Variants in CSE1L observed in about 807,000 individuals in gnomAD.
The protein encoded by CSE1L is chromosome segregation 1 like.
A neutral mutation model predicts 120.4 loss-of-function variants in CSE1L; 24 were observed. The observed-to-expected ratio is 0.20, with a 90% CI of 0.14 to 0.28. The LOEUF (loss-of-function observed/expected upper bound fraction) is 0.28, where lower values mean the gene tolerates loss of function less well. CSE1L is among the 10% of genes least tolerant of loss of function. The pLI is 1.00. For missense variants in CSE1L, 830 were observed against 1,145.2 expected, an observed-to-expected ratio of 0.72 and a Z score of 3.97; for synonymous variants, 402 against 398.3, an observed-to-expected ratio of 1.01 and a Z score of -0.11.
rs1313669543 is a variant in CSE1L at position 49,066,223 on chromosome 20, C to T, written c.260C>T (p.Ala87Val). Residue 87 changes from alanine (A) to valine (V), a missense_variant, in exon 4 of 25, where the codon GCC (alanine) becomes GTC (valine). Physicochemically the swap from Ala to Val is moderately conservative, Grantham distance 64 (BLOSUM62 0). Around this residue, in one of 4 missense-constraint regions of CSE1L, gnomAD observed 543 missense variants for 640.2 expected, o/e 0.85. Transcript: ENST00000262982. ...VEDEPNKICE[A>V]DRVAIKANIV... Reference sequence around the variant, plus strand: ...GATGAACCAAACAAAATTTGTGAAGCCGATCGAGTGGCCATTAAAGCCAAC... The same window carrying T: ...GATGAACCAAACAAAATTTGTGAAGTCGATCGAGTGGCCATTAAAGCCAAC... 22 of 1,614,060 alleles carry T rather than the reference C, an allele frequency of 1.4e-5. No individual in the cohort carries two copies. The highest frequency in any genetic ancestry group is 1.9e-5 in the Non-Finnish European group (22 of 1,180,034).
intron 22 of CSE1L, among the ~76,000 whole-genome samples, chr20:49,093,572 T>G (rs1568789741): frequency 1.2e-5 from 1 of 81,292 alleles, no homozygotes; most frequent in South Asian, 3.8e-4. Context: ...CTCTTTTTTT[T>G]TTTTTTTTCT....
At chr20:49,086,670 G>A (rs573575509) in intron 16 of CSE1L, among the ~76,000 whole-genome samples, 22 of 152,096 alleles carry the variant, frequency 1.4e-4, no homozygotes, top group Middle Eastern at 3.4e-3. Context: ...CAGCCTTAAT[G>A]TCCATTTCTA....
chr20:49,060,074 A>G (rs1036471141), intron 2 of CSE1L, among the ~76,000 whole-genome samples: 5 of 151,676 alleles, frequency 3.3e-5, no homozygotes, highest in Non-Finnish European at 5.9e-5. Context: ...ATTCCTAGCA[A>G]CTGGGGAGGC....
At chr20:49,070,354 C>A in intron 8 of CSE1L, 57 bp downstream of exon 8, 2 of 822,912 alleles carry the variant, frequency 2.4e-6, no homozygotes, top group Non-Finnish European at 4.0e-6. Flanking sequence ...AGTTATTTGG[C>A]TACAGTCTGG....
At chr20:49,064,759 C>G (rs967483022) in intron 3 of CSE1L, among the ~76,000 whole-genome samples, 1 of 151,470 alleles carries the variant, frequency 6.6e-6, no homozygotes, top group African/African-American at 2.4e-5. Context: ...GTAGACATGC[C>G]AGCCCTCTCC....
intron 13 of CSE1L, among the ~76,000 whole-genome samples, chr20:49,077,858 G>A (rs6066960): frequency 1.3e-5 from 2 of 152,108 alleles, no homozygotes; most frequent in African/African-American, 4.8e-5. Context: ...ACAAAAACTA[G>A]CCGGGCGTGG....
intron 6 of CSE1L, among the ~76,000 whole-genome samples, chr20:49,068,183 A>T (rs187250949): frequency 6.6e-6 from 1 of 152,302 alleles, no homozygotes; most frequent in Admixed American, 6.5e-5. Flanking sequence ...ATATGCACAG[A>T]TTGGGAAGAC....
At chr20:49,050,570 T>A (rs951278590) in intron 1 of CSE1L, among the ~76,000 whole-genome samples, 4 of 140,944 alleles carry the variant, frequency 2.8e-5, no homozygotes, top group African/African-American at 1.1e-4. Flanking sequence ...GCCCGGCTAA[T>A]TTTTTTTTTT....
chr20:49,065,478 A>G (rs1433732531), intron 3 of CSE1L, among the ~76,000 whole-genome samples: 1 of 150,678 alleles, frequency 6.6e-6, no homozygotes, highest in Non-Finnish European at 1.5e-5. Flanking sequence ...GCCCACCACC[A>G]TGTTCAGCTA....
chr20:49,047,552 C>CTTTTTTTTTTTTTTT (rs1230411564), intron 1 of CSE1L, among the ~76,000 whole-genome samples: 1 of 89,802 alleles, frequency 1.1e-5, no homozygotes, highest in African/African-American at 4.6e-5. Context: ...TTTTCTTTTT[C>CTTTTTTTTTTTTTTT]TTTTCTCTTT....
intron 22 of CSE1L, 97 bp from the exon 23 acceptor site, chr20:49,094,043 A>G: frequency 1.3e-6 from 1 of 774,384 alleles, no homozygotes. Context: ...TTATTTAGTA[A>G]TTTATCATAT....
chr20:49,090,570 ATTACT>A (rs775505823), intron 19 of CSE1L, among the ~76,000 whole-genome samples, 167 bp from the exon 20 acceptor site: 32 of 152,326 alleles, frequency 2.1e-4, no homozygotes, highest in Middle Eastern at 3.4e-3. Context: ...GAAAAAAAAA[ATTACT>A]TTAATGGCTA....
At chr20:49,081,147 C>G (rs1204955198) in intron 14 of CSE1L, among the ~76,000 whole-genome samples, 1 of 152,030 alleles carries the variant, frequency 6.6e-6, no homozygotes, top group Non-Finnish European at 1.5e-5. Context: ...CCATACCCAG[C>G]TAATTTTTGT....
At chr20:49,080,917 T>A (rs1332566184) in intron 14 of CSE1L, among the ~76,000 whole-genome samples, 13 of 152,090 alleles carry the variant, frequency 8.5e-5, no homozygotes, top group Non-Finnish European at 2.9e-5. Flanking sequence ...GCCAAGACTA[T>A]AGGTGTGTGC....
At chr20:49,088,381 A>G (rs536428032) in intron 17 of CSE1L, among the ~76,000 whole-genome samples, 2 of 152,332 alleles carry the variant, frequency 1.3e-5, no homozygotes, top group South Asian at 2.1e-4. Flanking sequence ...AGATGATCCA[A>G]AATTACCTTA....
At chr20:49,061,921 C>T (rs890289688) in intron 2 of CSE1L, among the ~76,000 whole-genome samples, 12 of 152,008 alleles carry the variant, frequency 7.9e-5, no homozygotes, top group African/African-American at 2.7e-4. Flanking sequence ...TCTCAGGGAT[C>T]GAGACTGACT....
At chr20:49,081,633 C>T (rs981405287) in intron 14 of CSE1L, among the ~76,000 whole-genome samples, 2 of 152,066 alleles carry the variant, frequency 1.3e-5, no homozygotes, top group African/African-American at 2.4e-5. Context: ...CATTTCTTTT[C>T]GGTGAACTGT....
At chr20:49,073,336 T>C (rs982734545) in intron 10 of CSE1L, among the ~76,000 whole-genome samples, 1 of 152,138 alleles carries the variant, frequency 6.6e-6, no homozygotes, top group Non-Finnish European at 1.5e-5. Flanking sequence ...AACAATCGAC[T>C]TGAGAATAGA....
intron 22 of CSE1L, among the ~76,000 whole-genome samples, chr20:49,092,431 C>A (rs914701022): frequency 6.6e-6 from 1 of 151,860 alleles, no homozygotes; most frequent in African/African-American, 2.4e-5. Context: ...ACCCTGGAAT[C>A]ATTGTTCTAA....
Sources: gnomAD v4.1 joint callset for allele counts (sites outside exome capture counted in the v4.1 genomes callset) on GRCh38, gnomAD v4.1.1 for gene constraint, gnomAD v4.1.1 regional missense constraint, MANE v1.5 for transcripts, NCBI Gene and HGNC (gene_info 2026-07-23, HGNC 2026-07-21) for gene names.